The following MTFR2 variants were observed in gnomAD, a reference collection of about 807,000 sequenced individuals.
MTFR2 encodes DUF729 domain-containing protein 1.
A neutral mutation model predicts 41.2 loss-of-function variants in MTFR2; 44 were observed. The observed-to-expected ratio is 1.07, with a 90% CI of 0.84 to 1.37. The LOEUF is 1.37. Ranked by LOEUF, MTFR2 falls within the 40% of genes most tolerant of loss-of-function variation. The probability of loss-of-function intolerance (pLI) is 0.00; values close to 1 mark genes in which losing one functional copy is unlikely to be tolerated. For missense variants in MTFR2, 452 were observed against 459.5 expected (o/e 0.98, Z 0.15); for synonymous variants, 141 against 154.6 (o/e 0.91, Z 0.65).
In MTFR2 at chr6:136,240,942, T is replaced by A. The variant is rs866292557; in HGVS notation, c.514+502A>T. Among the ~76,000 whole-genome samples the A allele has an allele frequency of 7.9e-5, 12 of 152,038 alleles. No homozygotes were observed. The East Asian group carries it at 2.3e-3, about 29-fold the overall frequency. On this transcript the variant is annotated intron_variant, in intron 5 of 7. Coordinates refer to ENST00000420702, the MANE Select transcript of MTFR2 (RefSeq NM_001099286.3). ...CCGTCTCTACTAAAAATACAAAAAA[T>A]TAGCCGAGCGTGGTGGCGGGCGCCT...
intron 5 of MTFR2, among the ~76,000 whole-genome samples, chr6:136,240,863 G>A (rs7752988): frequency 0.037 from 5,152 of 137,790 alleles, 211 homozygotes; most frequent in African/African-American, 0.15. Context: ...AGGCCAAGGC[G>A]GGCAGATCAC....
intron 6 of MTFR2, among the ~76,000 whole-genome samples, chr6:136,236,050 T>A (rs1029659821): frequency 6.6e-6 from 1 of 152,202 alleles, no homozygotes; most frequent in Non-Finnish European, 1.5e-5. Flanking sequence ...ATGGAGTCAC[T>A]GGTGAAGCAG....
In MTFR2 at chr6:136,241,618, C is replaced by T. The variant is rs544618242; in HGVS notation, c.340G>A (p.Val114Ile). The change falls in exon 5 of 8, where the codon GTT becomes ATT. Residue 114 changes from valine to isoleucine, a missense_variant. Physicochemically the swap from Val to Ile is conservative, Grantham distance 29. Coordinates refer to ENST00000420702, the MANE Select transcript of MTFR2 (RefSeq NM_001099286.3). ...KVEIFHPLRLVRDPLSPAVRQ... is the reference protein window; with the variant it reads ...KVEIFHPLRLIRDPLSPAVRQ... The stretch of plus-strand genomic sequence containing the variant: ...ACAGCAGGTGACAGTGGATCCCGAA[C>T]TAGTCGCAAAGGATGAAAAATTTCC... The T allele has an allele frequency of 1.2e-6, 2 of 1,614,018 alleles. No homozygotes were observed. Among genetic ancestry groups the T allele is most frequent in the Non-Finnish European group, 8.5e-7 (1 of 1,180,012 alleles).
chr6:136,242,225 C>T (rs1780099660), intron 4 of MTFR2, among the ~76,000 whole-genome samples: 1 of 151,798 alleles, frequency 6.6e-6, no homozygotes, highest in Admixed American at 6.6e-5. Context: ...GAGGACCAGT[C>T]AGTGACCAGG....
At chr6:136,240,718 T>C (rs1281578827) in intron 5 of MTFR2, among the ~76,000 whole-genome samples, 1 of 152,190 alleles carries the variant, frequency 6.6e-6, no homozygotes, top group African/African-American at 2.4e-5. Context: ...TATAAACATA[T>C]GATGCCTCAA....
chr6:136,236,436 G>A (rs185861936), intron 6 of MTFR2, among the ~76,000 whole-genome samples: 18 of 152,300 alleles, frequency 1.2e-4, no homozygotes, highest in African/African-American at 2.9e-4. Context: ...CCTCAGCAAC[G>A]TACAAAACAA....
intron 2 of MTFR2, 196 bp downstream of exon 2, chr6:136,248,841 G>A (rs1583977759): frequency 1.9e-6 from 1 of 537,444 alleles, no homozygotes; most frequent in South Asian, 2.7e-5. Context: ...TGTCCTATCA[G>A]GTAAATATGT....
At chr6:136,248,984 T>C in intron 2 of MTFR2, 53 bp downstream of exon 2, 1 of 1,500,962 alleles carries the variant, frequency 6.7e-7, no homozygotes, top group Non-Finnish European at 9.1e-7. Flanking sequence ...ATTTTCAAAA[T>C]GAAACCCAAG....
chr6:136,237,702 C>T (rs1419944488), intron 6 of MTFR2, among the ~76,000 whole-genome samples: 1 of 151,824 alleles, frequency 6.6e-6, no homozygotes, highest in African/African-American at 2.4e-5. Flanking sequence ...CCCAGCTACT[C>T]GGGAGGCTGC....
chr6:136,238,156 A>C (rs554238781), intron 6 of MTFR2, among the ~76,000 whole-genome samples: 1 of 152,246 alleles, frequency 6.6e-6, no homozygotes, highest in Non-Finnish European at 1.5e-5. Flanking sequence ...TTGCAGTGCT[A>C]TTTACAATAG....
At chr6:136,235,095 G>T (rs546472144) in intron 6 of MTFR2, among the ~76,000 whole-genome samples, 2 of 152,196 alleles carry the variant, frequency 1.3e-5, no homozygotes, top group East Asian at 3.9e-4. Context: ...TCACCATGTT[G>T]GCCAGGCTGG....
chr6:136,248,513 A>C (rs773252525), intron 2 of MTFR2, among the ~76,000 whole-genome samples: 97 of 152,262 alleles, frequency 6.4e-4, no homozygotes, highest in Admixed American at 1.0e-3. Context: ...TGACTTTGCT[A>C]CTCATTTGCC....
At chr6:136,234,845 T>C (rs1312390861) in intron 6 of MTFR2, among the ~76,000 whole-genome samples, 6 of 152,222 alleles carry the variant, frequency 3.9e-5, no homozygotes, top group Admixed American at 1.3e-4. Context: ...TATGTGCTGA[T>C]GGGAACGGTG....
chr6:136,242,931 A>G lies in MTFR2; in HGVS notation c.211T>C (p.Ser71Pro). 1.2e-6 allele frequency: 2 copies of G among 1,613,146 alleles called. No individual in the cohort carries two copies. Among genetic ancestry groups the G allele is most frequent in the Middle Eastern group, 1.7e-4 (1 of 5,890 alleles). ...ATATCAGCAAAAGATGGAACCATAG[A>G]TCCACAATTATCAGAGTCTACAGAG... ...LNSVDSDNCG[S>P]MVPSFADILY... Residue 71 changes from serine (S) to proline (P), a missense_variant, in exon 4 of 8, where the codon TCT becomes CCT. By Grantham distance (74) the Ser-to-Pro change is moderately conservative (BLOSUM62 -1). Coordinates refer to ENST00000420702, the MANE Select transcript of MTFR2 (RefSeq NM_001099286.3).
intron 2 of MTFR2, among the ~76,000 whole-genome samples, chr6:136,247,076 G>A (rs1269241396): frequency 5.9e-5 from 9 of 152,258 alleles, no homozygotes; most frequent in South Asian, 4.2e-4. Context: ...CAGGCCAGGC[G>A]CAGGGGCTCA....
chr6:136,231,690 A>G (rs1279949032), intron 7 of MTFR2, among the ~76,000 whole-genome samples: 7 of 149,316 alleles, frequency 4.7e-5, no homozygotes, highest in South Asian at 2.1e-4. Context: ...AAAAAAAAAA[A>G]AAGAAGATTA....
chr6:136,239,924 C>T, intron 5 of MTFR2, 104 bp from the exon 6 acceptor site: 1 of 865,876 alleles, frequency 1.2e-6, no homozygotes, highest in Non-Finnish European at 1.7e-6. Flanking sequence ...TTCTGTAATG[C>T]TAGTAGCGAT....
At chr6:136,243,714 TA>T (rs71661846) in intron 3 of MTFR2, among the ~76,000 whole-genome samples, 2,041 of 135,514 alleles carry the variant, frequency 0.015, 11 homozygotes, top group African/African-American at 0.031. Context: ...GACCTTATCT[TA>T]AAAAAAAAAA....
intron 5 of MTFR2, 123 bp from the exon 6 acceptor site, chr6:136,239,943 A>G (rs578211945): frequency 1.4e-6 from 1 of 723,826 alleles, no homozygotes; most frequent in Non-Finnish European, 2.2e-6. Context: ...ATATGGTAGC[A>G]AGGAAAGAGT....
Sources: gnomAD v4.1 joint callset for allele counts (sites outside exome capture counted in the v4.1 genomes callset) on GRCh38, gnomAD v4.1.1 for gene constraint, MANE v1.5 for transcripts, NCBI Gene and HGNC (gene_info 2026-07-23, HGNC 2026-07-21) for gene names.